ITPR2: variants seen among roughly 807,000 people sequenced by gnomAD.
ITPR2 encodes inositol 1,4,5-trisphosphate-gated calcium channel ITPR2.
ITPR2 carries 207 observed loss-of-function variants against 317.1 expected under a neutral mutation model. That is an observed-to-expected ratio of 0.65 (90% CI 0.58 to 0.73). The LOEUF (loss-of-function observed/expected upper bound fraction) is 0.73. Among genes scored for constraint, ITPR2 ranks in the 30% least tolerant of loss-of-function variants. ITPR2 has a pLI of 0.00. For missense variants in ITPR2, 2,613 were observed against 3,284.0 expected (o/e 0.80, Z 4.99); for synonymous variants, 1,156 against 1,149.1 (o/e 1.01, Z -0.12).
At chr12:26,810,272 T>A (rs936481438) in intron 1 of ITPR2, among the ~76,000 whole-genome samples, 2 of 152,346 alleles carry the variant, frequency 1.3e-5, no homozygotes, top group African/African-American at 4.8e-5. Context: ...CTACAGTGAA[T>A]GGTTGCCTCA....
At chr12:26,629,512 C>A (rs920095779) in intron 22 of ITPR2, among the ~76,000 whole-genome samples, 2 of 151,722 alleles carry the variant, frequency 1.3e-5, no homozygotes, top group Non-Finnish European at 2.9e-5. Context: ...TTTGAACCCA[C>A]GACCTCAAGG....
At chr12:26,776,583 T>C (rs1375337862) in intron 2 of ITPR2, among the ~76,000 whole-genome samples, 1 of 152,204 alleles carries the variant, frequency 6.6e-6, no homozygotes. Flanking sequence ...CAACTAGGAA[T>C]GGGGATGTAT....
chr12:26,577,963 A>G (rs4963666), intron 34 of ITPR2, among the ~76,000 whole-genome samples: 18,459 of 152,244 alleles, frequency 0.12, 1,606 homozygotes, highest in African/African-American at 0.24. Context: ...AATGGCTGGC[A>G]TTGCACATGG....
intron 26 of ITPR2, among the ~76,000 whole-genome samples, chr12:26,616,916 TTC>T (rs1253513508): frequency 1.7e-4 from 26 of 151,802 alleles, no homozygotes; most frequent in African/African-American, 5.6e-4. Flanking sequence ...TAAATATATT[TTC>T]TTTTCCTTAC....
chr12:26,757,029 A>T (rs1365404436), intron 2 of ITPR2, among the ~76,000 whole-genome samples: 3 of 152,208 alleles, frequency 2.0e-5, no homozygotes, highest in African/African-American at 7.2e-5. Context: ...CTACATTTCC[A>T]CCAGTGCCGT....
intron 45 of ITPR2, among the ~76,000 whole-genome samples, chr12:26,474,287 A>G (rs1942359832): frequency 6.6e-6 from 1 of 152,258 alleles, no homozygotes; most frequent in African/African-American, 2.4e-5. Context: ...AGATAGAGCA[A>G]GTCTCTAAAG....
intron 2 of ITPR2, among the ~76,000 whole-genome samples, chr12:26,785,348 A>G (rs1592129553): frequency 4.0e-5 from 1 of 25,098 alleles, no homozygotes; most frequent in Non-Finnish European, 9.6e-5. Context: ...CCGGGAGGTG[A>G]GGGGCGCCTC....
chr12:26,630,625 G>A (rs771900232), intron 22 of ITPR2: 18 of 152,110 alleles, frequency 1.2e-4, no homozygotes, highest in Non-Finnish European at 2.4e-4. Flanking sequence ...CCAGACACAG[G>A]GATAGAAAAT....
At chr12:26,432,197 C>T (rs1941229639) in intron 48 of ITPR2, among the ~76,000 whole-genome samples, 1 of 151,918 alleles carries the variant, frequency 6.6e-6, no homozygotes. Context: ...TTCTTCTGAA[C>T]CAGGGTCACA....
At chr12:26,820,307 C>A (rs1170978776) in intron 1 of ITPR2, among the ~76,000 whole-genome samples, 2 of 152,084 alleles carry the variant, frequency 1.3e-5, no homozygotes, top group Admixed American at 6.5e-5. Context: ...CAGAGAGGAA[C>A]TGATGTTAAC....
chr12:26,509,963 T>C (rs1650106136), intron 37 of ITPR2, among the ~76,000 whole-genome samples: 2 of 65,092 alleles, frequency 3.1e-5, no homozygotes, highest in South Asian at 6.2e-4. Flanking sequence ...GGGTTTTGTG[T>C]GTGTGTGTGT....
intron 1 of ITPR2, among the ~76,000 whole-genome samples, chr12:26,797,837 G>A (rs1260131344): frequency 6.6e-6 from 1 of 151,598 alleles, no homozygotes; most frequent in East Asian, 1.9e-4. Flanking sequence ...GATTACAGGT[G>A]CACACTACCA....
At chr12:26,748,516 C>T (rs1030730361) in intron 2 of ITPR2, among the ~76,000 whole-genome samples, 1 of 152,198 alleles carries the variant, frequency 6.6e-6, no homozygotes, top group Admixed American at 6.5e-5. Context: ...ATAGTTTTGA[C>T]GATTGCTCCT....
chr12:26,774,603 C>A (rs1419355143), intron 2 of ITPR2, among the ~76,000 whole-genome samples: 1 of 152,242 alleles, frequency 6.6e-6, no homozygotes, highest in Non-Finnish European at 1.5e-5. Context: ...AAGGCTAACA[C>A]AGTCCTGACC....
Position 26,401,701 on chromosome 12 carries a change from A to G in ITPR2, c.7400-1443T>C, listed in dbSNP as rs7979251. 4.8e-3 allele frequency among the ~76,000 whole-genome samples: 735 copies of G among 152,350 alleles called. 6 individuals are homozygous for G. The highest frequency in any genetic ancestry group is 0.017 in the African/African-American group (710 of 41,584). On this transcript the variant is annotated intron_variant, in intron 52 of 56. Transcript: ENST00000381340. ...TCAAGGCATGCGTATAAAAACAAGA[A>G]GAACAATTCAGTCCAACTTTATCTA...
chr12:26,819,871 T>C (rs1007317618), intron 1 of ITPR2, among the ~76,000 whole-genome samples: 1 of 151,850 alleles, frequency 6.6e-6, no homozygotes, highest in Non-Finnish European at 1.5e-5. Context: ...GGTTGAGACC[T>C]GCCTGGACAA....
intron 49 of ITPR2, among the ~76,000 whole-genome samples, chr12:26,424,295 G>A (rs914902468): frequency 1.1e-4 from 16 of 152,102 alleles, no homozygotes; most frequent in African/African-American, 3.9e-4. Context: ...TCAAAGTCTT[G>A]TTGATTTGCC....
chr12:26,828,991 C>A (rs1457388030), intron 1 of ITPR2, among the ~76,000 whole-genome samples: 1 of 152,194 alleles, frequency 6.6e-6, no homozygotes, highest in Non-Finnish European at 1.5e-5. Flanking sequence ...TCCTAAGTTT[C>A]CTCTTCTCTC....
chr12:26,818,203 T>A (rs1950890309), intron 1 of ITPR2, among the ~76,000 whole-genome samples: 1 of 152,256 alleles, frequency 6.6e-6, no homozygotes. Context: ...TAGAAATGTT[T>A]ATAGAATCAC....
Sources: allele counts gnomAD v4.1 joint callset (sites outside exome capture counted in the v4.1 genomes callset), GRCh38; gene constraint gnomAD v4.1.1; transcripts MANE v1.5; gene names NCBI Gene and HGNC (gene_info 2026-07-23, HGNC 2026-07-21).